Variants in CMTR1 observed in about 807,000 individuals in gnomAD.
The protein encoded by CMTR1 is cap methyltransferase 1, also known as cap-specific mRNA (nucleoside-2'-O-)-methyltransferase 1.
CMTR1 carries 39 observed loss-of-function variants against 107.0 expected under a neutral mutation model. That is an observed-to-expected ratio of 0.36 (90% CI 0.28 to 0.48). The LOEUF is 0.48. CMTR1 is among the 20% of genes least tolerant of loss of function. CMTR1 has a pLI of 0.99. For synonymous variants in CMTR1, 366 were observed against 379.5 expected (o/e 0.96, Z 0.41); for missense variants, 672 against 1,064.9 (o/e 0.63, Z 5.14).
At position 37,479,217 on chromosome 6, in the gene CMTR1, T is replaced by C. The variant is rs766724791; in HGVS notation, c.2337T>C (p.Ser779=). 1 of 1,614,108 alleles carries C rather than the reference T, an allele frequency of 6.2e-7. No individual in the cohort carries two copies. The highest frequency in any genetic ancestry group is 8.5e-7 in the Non-Finnish European group (1 of 1,179,904). The change falls in exon 23 of 24, where the codon TCT becomes TCC. Residue 779 remains serine, a synonymous_variant. Transcript: ENST00000373451. Reference sequence around the variant, plus strand: ...TCTACAACAAGAAAACCAAGGACTCTACTTTTGACCTCCCTGCAGACTCCA... The same window carrying C: ...TCTACAACAAGAAAACCAAGGACTCCACTTTTGACCTCCCTGCAGACTCCA... ...KFFYNKKTKD[S]TFDLPADSIA...
At chr6:37,477,303 C>T (rs10947673) in intron 20 of CMTR1, among the ~76,000 whole-genome samples, 78,783 of 152,056 alleles carry the variant, frequency 0.52, 22,960 homozygotes, top group Middle Eastern at 0.67. Flanking sequence ...CTTTGTCTGC[C>T]AGACTTTTCT....
chr6:37,445,484 CTTTT>C (rs370310831), intron 3 of CMTR1, among the ~76,000 whole-genome samples: 5 of 109,190 alleles, frequency 4.6e-5, no homozygotes, highest in African/African-American at 1.7e-4. Flanking sequence ...CATACCTCAC[CTTTT>C]TTTTTTTTTT....
At chr6:37,447,431 G>A (rs1480740422) in intron 4 of CMTR1, among the ~76,000 whole-genome samples, 1 of 152,214 alleles carries the variant, frequency 6.6e-6, no homozygotes, top group African/African-American at 2.4e-5. Flanking sequence ...GTAGATACCT[G>A]CTGCTGGTTG....
At position 37,475,883 on chromosome 6, in the gene CMTR1, T is replaced by G. The variant is rs960454546; in HGVS notation, c.2037-243T>G. ...TGACTGAGCACAGCTGAAGGCACAC[T>G]TCAGGAAAACCAACCGACATAGTGA... On this transcript the variant is annotated intron_variant, in intron 19 of 23. Transcript: ENST00000373451. 12 of 541,474 alleles carry G rather than the reference T, an allele frequency of 2.2e-5. No homozygotes were observed. In the Admixed American group the frequency reaches 3.4e-4, roughly 15 times the overall value. The allele number at this position is 541,474 out of a possible 1,614,324, so 33.5% of individuals were successfully genotyped here.
intron 20 of CMTR1, among the ~76,000 whole-genome samples, 179 bp downstream of exon 20, chr6:37,476,373 C>T: frequency 6.6e-6 from 1 of 152,254 alleles, no homozygotes; most frequent in South Asian, 2.1e-4. Context: ...CAGAGCATCT[C>T]CCCATCCTGC....
chr6:37,463,925 G>A (rs1761451989), intron 13 of CMTR1, among the ~76,000 whole-genome samples: 1 of 152,158 alleles, frequency 6.6e-6, no homozygotes, highest in Non-Finnish European at 1.5e-5. Flanking sequence ...GACCCGCCTG[G>A]CTAGGGCTTT....
At chr6:37,479,337 C>G in intron 23 of CMTR1, 82 bp downstream of exon 23, 1 of 982,078 alleles carries the variant, frequency 1.0e-6, no homozygotes, top group Non-Finnish European at 1.6e-6. Flanking sequence ...CTTGGGGGCA[C>G]ACCCTGGGTC....
intron 1 of CMTR1, among the ~76,000 whole-genome samples, chr6:37,433,708 G>T (rs1007719860): frequency 1.3e-5 from 2 of 152,232 alleles, no homozygotes; most frequent in Non-Finnish European, 2.9e-5. Flanking sequence ...CTGCAGAGGG[G>T]ATTTGAACCC....
intron 10 of CMTR1, among the ~76,000 whole-genome samples, chr6:37,460,205 C>T (rs1055274305): frequency 6.6e-6 from 1 of 152,166 alleles, no homozygotes; most frequent in Non-Finnish European, 1.5e-5. Flanking sequence ...GGCAGCTGCT[C>T]CAGGATCATA....
In CMTR1 at chr6:37,463,014, C is replaced by T; in HGVS notation, c.1505+6C>T. Reference sequence around the variant, plus strand: ...ATGATACGGTCCAATGAGAGGTAAGCCAACGGGCTGGTTTTTGCTGGTAAC... The same window carrying T: ...ATGATACGGTCCAATGAGAGGTAAGTCAACGGGCTGGTTTTTGCTGGTAAC... On this transcript the variant is annotated splice_donor_region_variant and intron_variant, in intron 13 of 23. Coordinates refer to ENST00000373451, the MANE Select transcript of CMTR1 (RefSeq NM_015050.3). 1.2e-6 allele frequency: 2 copies of T among 1,612,462 alleles called. No homozygotes were observed. The highest frequency in any genetic ancestry group is 1.7e-6 in the Non-Finnish European group (2 of 1,178,668).
chr6:37,473,844 C>T (rs759896838), intron 17 of CMTR1, among the ~76,000 whole-genome samples: 1 of 152,212 alleles, frequency 6.6e-6, no homozygotes, highest in African/African-American at 2.4e-5. Context: ...AACACTGCTA[C>T]TTTTCTTGTG....
intron 13 of CMTR1, among the ~76,000 whole-genome samples, chr6:37,470,105 C>G (rs2113889361): frequency 6.6e-6 from 1 of 151,836 alleles, no homozygotes; most frequent in East Asian, 1.9e-4. Flanking sequence ...AATATAGTTT[C>G]TATATCTTTG....
At chr6:37,431,738 T>G (rs1258953450), upstream of CMTR1, among the ~76,000 whole-genome samples, 1 of 152,160 alleles carries the variant, frequency 6.6e-6, no homozygotes, top group African/African-American at 2.4e-5. Flanking sequence ...GAGGGATAAA[T>G]GGACATTAGC....
intron 8 of CMTR1, among the ~76,000 whole-genome samples, chr6:37,453,840 G>C (rs1761234742): frequency 6.6e-6 from 1 of 152,192 alleles, no homozygotes; most frequent in South Asian, 2.1e-4. Context: ...CCCTCATTCT[G>C]AAATGAGCCG....
At position 37,453,321 on chromosome 6, in the gene CMTR1, A is replaced by G. The variant is rs1171103631; in HGVS notation, c.777+9A>G. On this transcript the variant is annotated intron_variant, in intron 8 of 23. Coordinates refer to ENST00000373451, the MANE Select transcript of CMTR1 (RefSeq NM_015050.3). ...CGCGGGACTCTTATGGGGTGAGAAC[A>G]AGATTCTGCTTCTGAATTCATGGTG... 5.0e-6 allele frequency: 8 copies of G among 1,613,290 alleles called. No homozygotes were observed. The African/African-American group carries it at 9.3e-5, about 19-fold the overall frequency.
chr6:37,468,856 C>T (rs1761563454), intron 13 of CMTR1, among the ~76,000 whole-genome samples: 1 of 151,838 alleles, frequency 6.6e-6, no homozygotes, highest in South Asian at 2.1e-4. Flanking sequence ...GCACTCTAGC[C>T]TAGGTGAGAG....
the CMTR1 span, among the ~76,000 whole-genome samples, chr6:37,428,050 GA>G: frequency 3.7e-4 from 49 of 133,028 alleles, no homozygotes; most frequent in Middle Eastern, 3.8e-3. Flanking sequence ...GAGAGAGAGA[GA>G]GAGAGAGAGA....
chr6:37,476,080 G>A (rs762655305), intron 19 of CMTR1, 46 bp from the exon 20 acceptor site: 2 of 1,583,554 alleles, frequency 1.3e-6, no homozygotes, highest in Non-Finnish European at 1.7e-6. Context: ...GGGTGCTGGT[G>A]GAGGCATCCT....
intron 21 of CMTR1, among the ~76,000 whole-genome samples, chr6:37,477,967 T>C (rs1761772008): frequency 6.6e-6 from 1 of 152,192 alleles, no homozygotes. Context: ...CAGCTCCCGC[T>C]GCTGAGAGAG....
Sources: gnomAD v4.1 joint callset for allele counts (sites outside exome capture counted in the v4.1 genomes callset) on GRCh38, gnomAD v4.1.1 for gene constraint, MANE v1.5 for transcripts, NCBI Gene and HGNC (gene_info 2026-07-23, HGNC 2026-07-21) for gene names.